Variants in EYS observed in about 807,000 individuals in gnomAD.
EYS encodes the protein EGF-like photoreceptor maintenance factor, also known as protein eyes shut homolog.
A neutral mutation model predicts 282.1 loss-of-function variants in EYS; 250 were observed. That is an observed-to-expected ratio of 0.89 (90% CI 0.80 to 0.98). EYS has a LOEUF of 0.98. EYS is among the 50% of genes least tolerant of loss of function. The pLI, the probability that EYS is intolerant of heterozygous loss-of-function variation, is 0.00. For missense variants in EYS, 4,016 were observed against 3,709.0 expected, an observed-to-expected ratio of 1.08 and a Z score of -2.15; for synonymous variants, 1,355 against 1,282.9, an observed-to-expected ratio of 1.06 and a Z score of -1.20.
intron 35 of EYS, among the ~76,000 whole-genome samples, chr6:63,896,848 T>A (rs954380731): frequency 6.6e-6 from 1 of 152,224 alleles, no homozygotes; most frequent in East Asian, 1.9e-4. Context: ...TTTAGTAATA[T>A]GTATTTACGG....
intron 36 of EYS, among the ~76,000 whole-genome samples, chr6:63,830,355 C>T (rs529772100): frequency 6.6e-6 from 1 of 152,230 alleles, no homozygotes; most frequent in South Asian, 2.1e-4. Flanking sequence ...GTAGAATAAA[C>T]AGTGTAAAGA....
chr6:64,504,307 AT>A (rs1181184554), intron 26 of EYS, among the ~76,000 whole-genome samples: 4 of 152,196 alleles, frequency 2.6e-5, no homozygotes, highest in African/African-American at 9.7e-5. Context: ...AAATTAGGAT[AT>A]TTGAAAATCA....
chr6:64,955,773 C>T (rs540110963), intron 14 of EYS, among the ~76,000 whole-genome samples: 1 of 152,160 alleles, frequency 6.6e-6, no homozygotes, highest in Non-Finnish European at 1.5e-5. Context: ...TTTACTCCTC[C>T]TATTAAGGCA....
intron 33 of EYS, among the ~76,000 whole-genome samples, chr6:64,023,396 T>C (rs1425302916): frequency 6.6e-6 from 1 of 152,240 alleles, no homozygotes; most frequent in Non-Finnish European, 1.5e-5. Flanking sequence ...AGTAAATACG[T>C]GTTTAACTTT....
intron 29 of EYS, among the ~76,000 whole-genome samples, chr6:64,387,465 G>GA (rs1051642456): frequency 6.6e-6 from 1 of 151,914 alleles, no homozygotes; most frequent in African/African-American, 2.4e-5. Context: ...TTTTATTTGG[G>GA]AAAAAGTATA....
chr6:63,843,158 G>A (rs979600599), intron 36 of EYS, among the ~76,000 whole-genome samples: 1 of 152,158 alleles, frequency 6.6e-6, no homozygotes, highest in Non-Finnish European at 1.5e-5. Context: ...GTCAATGGTA[G>A]CTTGATAGGA....
chr6:64,648,497 G>A (rs6922135), intron 22 of EYS, among the ~76,000 whole-genome samples: 2,514 of 152,192 alleles, frequency 0.017, 67 homozygotes, highest in African/African-American at 0.057. Flanking sequence ...TTGGAAATAT[G>A]GTCTGAAACC....
At chr6:64,856,969 T>C (rs1766084146) in intron 19 of EYS, among the ~76,000 whole-genome samples, 1 of 152,218 alleles carries the variant, frequency 6.6e-6, no homozygotes, top group Non-Finnish European at 1.5e-5. Context: ...AGAAAATATG[T>C]AAAGTTTATA....
chr6:64,766,684 A>ATATATATATATATATATATAT (rs1562180064), intron 22 of EYS, among the ~76,000 whole-genome samples: 5 of 110,966 alleles, frequency 4.5e-5, no homozygotes, highest in Non-Finnish European at 7.7e-5. Context: ...ATATATATAT[A>ATATATATATATATATATATAT]AAATCTAACA....
chr6:65,380,536 A>G (rs1251270480), intron 8 of EYS, among the ~76,000 whole-genome samples: 1 of 152,208 alleles, frequency 6.6e-6, no homozygotes, highest in Non-Finnish European at 1.5e-5. Context: ...AAACCTAGGC[A>G]ATACCATTCA....
chr6:65,312,444 G>A (rs970876232), intron 11 of EYS, among the ~76,000 whole-genome samples: 12 of 152,094 alleles, frequency 7.9e-5, no homozygotes, highest in African/African-American at 2.9e-4. Flanking sequence ...TCACTTCCAT[G>A]GCCCCATGCC....
At chr6:63,943,768 T>G (rs767092076) in intron 35 of EYS, among the ~76,000 whole-genome samples, 1 of 152,224 alleles carries the variant, frequency 6.6e-6, no homozygotes, top group Non-Finnish European at 1.5e-5. Flanking sequence ...GATAGTAACT[T>G]GACAAAATTA....
intron 14 of EYS, among the ~76,000 whole-genome samples, chr6:64,965,003 T>A (rs1330098666): frequency 6.6e-6 from 1 of 152,048 alleles, no homozygotes; most frequent in Non-Finnish European, 1.5e-5. Flanking sequence ...ATTGCACTCC[T>A]GCTGGATGAC....
At chr6:65,014,721 CA>C (rs1771987814) in intron 13 of EYS, among the ~76,000 whole-genome samples, 1 of 152,064 alleles carries the variant, frequency 6.6e-6, no homozygotes, top group East Asian at 1.9e-4. Flanking sequence ...TTTTATGTGC[CA>C]TTAAGGGTAG....
chr6:65,438,394 A>C (rs1432616681), intron 5 of EYS, among the ~76,000 whole-genome samples: 2 of 152,146 alleles, frequency 1.3e-5, no homozygotes, highest in Admixed American at 6.6e-5. Flanking sequence ...GCTGGGTCAA[A>C]TGGTATTTCT....
rs1368984584 is a variant in EYS at position 63,762,561 on chromosome 6, G to A, written c.7971C>T (p.Asp2657=). 1 of 1,550,316 alleles carries A rather than the reference G, an allele frequency of 6.5e-7. No individual in the cohort carries two copies. Among genetic ancestry groups the A allele is most frequent in the African/African-American group, 1.4e-5 (1 of 72,918 alleles). ...CTCCTCTGCTACAGTGGTGTGGAGG[G>A]TCATGTTCAGGATCACAGGTAGAAA... The part of the protein sequence containing the change: ...ETVSTCDPEH[D]PPHHCSRGAT... Residue 2657 remains aspartate, a synonymous_variant, in exon 41 of 43, where the codon GAC becomes GAT. Coordinates refer to ENST00000503581, the MANE Select transcript of EYS (RefSeq NM_001142800.2).
At chr6:63,965,242 C>T (rs1430532987) in intron 35 of EYS, among the ~76,000 whole-genome samples, 1 of 152,138 alleles carries the variant, frequency 6.6e-6, no homozygotes, top group Non-Finnish European at 1.5e-5. Context: ...GTGTAAGATA[C>T]TATCGATAAG....
chr6:64,142,910 G>T (rs905107727), intron 31 of EYS, among the ~76,000 whole-genome samples: 8 of 151,988 alleles, frequency 5.3e-5, no homozygotes, highest in Admixed American at 1.3e-4. Context: ...GAGGAGGATT[G>T]GTATTCACTC....
chr6:65,381,419 G>A (rs1333955282), intron 8 of EYS, among the ~76,000 whole-genome samples: 3 of 152,036 alleles, frequency 2.0e-5, no homozygotes. Context: ...TGAACAGTGT[G>A]AACACATGGA....
Sources: gnomAD v4.1 joint callset for allele counts (sites outside exome capture counted in the v4.1 genomes callset) on GRCh38, gnomAD v4.1.1 for gene constraint, MANE v1.5 for transcripts, NCBI Gene and HGNC (gene_info 2026-07-23, HGNC 2026-07-21) for gene names.